Variants in MARCHF1 observed in about 807,000 individuals in gnomAD.
The protein encoded by MARCHF1 is membrane associated ring-CH-type finger 1, also known as E3 ubiquitin-protein ligase MARCHF1.
MARCHF1 carries 40 observed loss-of-function variants against 54.2 expected under a neutral mutation model. That is an observed-to-expected ratio of 0.74 (90% confidence interval 0.57 to 0.96). MARCHF1 has a LOEUF of 0.96. MARCHF1 is among the 40% of genes least tolerant of loss of function. The pLI, the probability that MARCHF1 is intolerant of heterozygous loss-of-function variation, is 0.00. For missense variants in MARCHF1, 586 were observed against 656.5 expected, an observed-to-expected ratio of 0.89 and a Z score of 1.17; for synonymous variants, 236 against 236.3, an observed-to-expected ratio of 1.00 and a Z score of 0.01.
In MARCHF1 at chr4:164,145,043, C is replaced by A. The variant is rs553872276; in HGVS notation, c.-322-33381G>T. ...CTACCGTCAGAGAATACTACAAACA[C>A]CTCTACGCAAATAAACTAGAAAATC... On this transcript the variant is annotated intron_variant, in intron 1 of 9. Transcript: ENST00000514618. Among the ~76,000 whole-genome samples the A allele has an allele frequency of 2.3e-4, 33 of 141,748 alleles. 1 individual carries two copies. The highest frequency in any genetic ancestry group is 9.1e-4 in the African/African-American group (33 of 36,066). The allele number at this position is 141,748 out of a possible 152,430, so 93.0% of individuals were successfully genotyped here.
chr4:163,963,068 T>C (rs573869254), intron 3 of MARCHF1, among the ~76,000 whole-genome samples: 18 of 152,050 alleles, frequency 1.2e-4, no homozygotes, highest in African/African-American at 3.9e-4. Context: ...TAAAATCATA[T>C]GCTCTTAAGG....
chr4:163,679,591 G>T (rs987185983), intron 5 of MARCHF1, among the ~76,000 whole-genome samples: 1 of 151,544 alleles, frequency 6.6e-6, no homozygotes, highest in Non-Finnish European at 1.5e-5. Flanking sequence ...CTGTTTTAAA[G>T]AATATCTCAT....
At chr4:164,315,367 G>A (rs866570914) in intron 1 of MARCHF1, among the ~76,000 whole-genome samples, 6 of 151,922 alleles carry the variant, frequency 3.9e-5, no homozygotes, top group Admixed American at 1.3e-4. Flanking sequence ...ATGGAAACAC[G>A]GCAGATCGAT....
chr4:163,669,351 T>C (rs746078304), intron 5 of MARCHF1, among the ~76,000 whole-genome samples: 1 of 152,184 alleles, frequency 6.6e-6, no homozygotes, highest in Non-Finnish European at 1.5e-5. Flanking sequence ...TTTGGAATCT[T>C]GTTAATTCTA....
chr4:163,936,193 C>T (rs1034689814), intron 3 of MARCHF1, among the ~76,000 whole-genome samples: 1 of 152,102 alleles, frequency 6.6e-6, no homozygotes, highest in Non-Finnish European at 1.5e-5. Flanking sequence ...CCAACAGTAA[C>T]ATCAAAGATC....
At chr4:163,736,184 T>C (rs1384225531) in intron 4 of MARCHF1, among the ~76,000 whole-genome samples, 1 of 152,200 alleles carries the variant, frequency 6.6e-6, no homozygotes, top group Non-Finnish European at 1.5e-5. Flanking sequence ...CTTTATGAAT[T>C]CTTTTTGGGA....
At chr4:163,727,551 C>G (rs1304128853) in intron 4 of MARCHF1, among the ~76,000 whole-genome samples, 1 of 152,006 alleles carries the variant, frequency 6.6e-6, no homozygotes, top group Non-Finnish European at 1.5e-5. Context: ...GTGATCTGCC[C>G]ACCTCGGCCT....
intron 5 of MARCHF1, among the ~76,000 whole-genome samples, chr4:163,696,602 C>A (rs1009816929): frequency 6.6e-6 from 1 of 152,162 alleles, no homozygotes; most frequent in Non-Finnish European, 1.5e-5. Context: ...TATGACTAGA[C>A]TGAAGATAAT....
chr4:163,931,113 G>A (rs1417003722), intron 3 of MARCHF1, among the ~76,000 whole-genome samples: 1 of 152,142 alleles, frequency 6.6e-6, no homozygotes, highest in Admixed American at 6.6e-5. Flanking sequence ...TGAGGACACA[G>A]CAAGAAGGCT....
At chr4:163,650,763 G>A (rs1049789860) in intron 5 of MARCHF1, among the ~76,000 whole-genome samples, 1 of 151,746 alleles carries the variant, frequency 6.6e-6, no homozygotes, top group Non-Finnish European at 1.5e-5. Flanking sequence ...ATGTGTATTC[G>A]TTAGCCTTTG....
intron 1 of MARCHF1, among the ~76,000 whole-genome samples, chr4:164,244,885 A>G (rs1304531982): frequency 4.6e-5 from 7 of 151,784 alleles, no homozygotes; most frequent in Non-Finnish European, 1.0e-4. Flanking sequence ...CTTGACACAT[A>G]CACTCTCCCA....
At chr4:164,140,694 T>C (rs1022846336) in intron 1 of MARCHF1, among the ~76,000 whole-genome samples, 11 of 152,088 alleles carry the variant, frequency 7.2e-5, no homozygotes, top group African/African-American at 2.4e-4. Context: ...ATCATTTCCT[T>C]TCTGTGCAGC....
At chr4:163,985,034 T>A (rs1752835791) in intron 3 of MARCHF1, among the ~76,000 whole-genome samples, 1 of 152,186 alleles carries the variant, frequency 6.6e-6, no homozygotes, top group African/African-American at 2.4e-5. Context: ...AAGGAAAATC[T>A]GATTACTAAT....
intron 3 of MARCHF1, among the ~76,000 whole-genome samples, chr4:163,882,980 T>G (rs1301742241): frequency 2.0e-5 from 3 of 152,074 alleles, no homozygotes; most frequent in Non-Finnish European, 4.4e-5. Flanking sequence ...TTGTCTCAAA[T>G]AATATATTTA....
At chr4:164,148,487 C>T (rs1480457925) in intron 1 of MARCHF1, among the ~76,000 whole-genome samples, 1 of 151,936 alleles carries the variant, frequency 6.6e-6, no homozygotes, top group Non-Finnish European at 1.5e-5. Context: ...TTATCCTTTT[C>T]CTAATTTCTT....
At chr4:163,609,960 G>A (rs1357392627) in intron 7 of MARCHF1, among the ~76,000 whole-genome samples, 1 of 151,988 alleles carries the variant, frequency 6.6e-6, no homozygotes, top group Non-Finnish European at 1.5e-5. Context: ...ATCAATGTAT[G>A]CAAACTTTCC....
intron 2 of MARCHF1, among the ~76,000 whole-genome samples, chr4:164,020,392 G>A (rs1474742211): frequency 6.6e-6 from 1 of 152,174 alleles, no homozygotes; most frequent in African/African-American, 2.4e-5. Flanking sequence ...AAGCATCTAT[G>A]TGTGGCAGAA....
At chr4:163,648,295 G>C (rs987529338) in intron 5 of MARCHF1, among the ~76,000 whole-genome samples, 2 of 151,808 alleles carry the variant, frequency 1.3e-5, no homozygotes, top group Non-Finnish European at 2.9e-5. Flanking sequence ...CCTTCATATA[G>C]TTCCTAGTTT....
At chr4:164,194,105 G>A (rs1461444754) in intron 1 of MARCHF1, among the ~76,000 whole-genome samples, 4 of 151,972 alleles carry the variant, frequency 2.6e-5, no homozygotes, top group Admixed American at 6.6e-5. Flanking sequence ...GACACAATAA[G>A]GTATAACACT....
Sources: allele counts gnomAD v4.1 joint callset (sites outside exome capture counted in the v4.1 genomes callset), GRCh38; gene constraint gnomAD v4.1.1; transcripts MANE v1.5; gene names NCBI Gene and HGNC (gene_info 2026-07-23, HGNC 2026-07-21).